Variants in DNM3 observed in about 807,000 individuals in gnomAD.
The protein encoded by DNM3 is dynamin-3.
Under a neutral mutation model 101.6 loss-of-function variants are expected in DNM3, and 47 were observed. That is an observed-to-expected ratio of 0.46 (90% CI 0.37 to 0.59). The LOEUF is 0.59. Among genes scored for constraint, DNM3 ranks in the 20% least tolerant of loss-of-function variants. The probability of loss-of-function intolerance (pLI) is 0.00; values close to 1 mark genes in which losing one functional copy is unlikely to be tolerated. For synonymous variants in DNM3, 385 were observed against 387.9 expected (o/e 0.99, Z 0.09); for missense variants, 849 against 1,085.7 (o/e 0.78, Z 3.06).
chr1:172,368,649 C>T (rs982549944), intron 17 of DNM3, among the ~76,000 whole-genome samples: 4 of 151,506 alleles, frequency 2.6e-5, no homozygotes, highest in African/African-American at 9.7e-5. Context: ...ATTAAAACAA[C>T]AATACAAAAG....
intron 14 of DNM3, among the ~76,000 whole-genome samples, chr1:172,145,243 G>A (rs1415541448): frequency 6.6e-6 from 1 of 151,924 alleles, no homozygotes; most frequent in Non-Finnish European, 1.5e-5. Context: ...ACCTTTTTGA[G>A]CTTTCCTGTG....
At chr1:172,400,029 C>G (rs1000213737) in intron 20 of DNM3, 1 of 152,168 alleles carries the variant, frequency 6.6e-6, no homozygotes, top group Non-Finnish European at 1.5e-5. Flanking sequence ...TGCTCCCTCT[C>G]AGAAAGGGAC....
At position 172,409,489 on chromosome 1, in the gene DNM3, C is replaced by T. The variant is rs1257988664; in HGVS notation, c.*1648C>T. ...TATAATTGGTAAAAATCAGAAAATA[C>T]AAGATTTACATAAAGGTCATTTCAA... On this transcript the variant is annotated 3_prime_UTR_variant, in exon 21 of 21. Coordinates refer to ENST00000627582, the MANE Select transcript of DNM3 (RefSeq NM_015569.5). 1.0e-6 allele frequency: 1 copy of T among 983,886 alleles called. No homozygotes were observed. The highest frequency in any genetic ancestry group is 1.7e-5 in the African/African-American group (1 of 57,166). 60.9% of individuals were successfully genotyped at this position (983,886 alleles called of 1,614,324 possible). A position where few individuals can be genotyped will look rare whatever the true frequency, so the allele number is the denominator to read the frequency against.
intron 14 of DNM3, among the ~76,000 whole-genome samples, chr1:172,164,232 C>CTTTTTTTTTTTTTTTTTTTTTT (rs3980440): frequency 1.6e-5 from 2 of 126,644 alleles, no homozygotes; most frequent in Non-Finnish European, 1.6e-5. Context: ...CTTTTCTTTT[C>CTTTTTTTTTTTTTTTTTTTTTT]TTTTTTTTTT....
intron 10 of DNM3, among the ~76,000 whole-genome samples, chr1:172,054,172 T>G (rs1359751144): frequency 5.3e-5 from 8 of 152,212 alleles, no homozygotes; most frequent in Non-Finnish European, 1.2e-4. Context: ...TGTAAAAACC[T>G]TAAATGCTTT....
In DNM3 at chr1:172,408,597, A is replaced by G. The variant is rs2071048651; in HGVS notation, c.*756A>G. 1.0e-6 allele frequency: 1 copy of G among 984,746 alleles called. No homozygotes were observed. Among genetic ancestry groups the G allele is most frequent in the Admixed American group, 6.2e-5 (1 of 16,240 alleles). 61.0% of individuals were successfully genotyped at this position (984,746 alleles called of 1,614,324 possible). A position where few individuals can be genotyped will look rare whatever the true frequency, so the allele number is the denominator to read the frequency against. The stretch of plus-strand genomic sequence containing the variant: ...AGAAGCAAAATATCACATCTCTAGA[A>G]GTGTTGGGAAAAATATAATTTCTTT... On this transcript the variant is annotated 3_prime_UTR_variant, in exon 21 of 21. Coordinates refer to ENST00000627582, the MANE Select transcript of DNM3 (RefSeq NM_015569.5).
chr1:172,115,587 C>G (rs940312679), intron 13 of DNM3, among the ~76,000 whole-genome samples: 8 of 152,194 alleles, frequency 5.3e-5, no homozygotes, highest in South Asian at 4.2e-4. Context: ...GCTCCTCCCC[C>G]TCTCGCTCAC....
chr1:172,042,046 A>C lies in DNM3; in HGVS notation c.1030A>C (p.Ile344Leu). The C allele has an allele frequency of 6.2e-7, 1 of 1,603,982 alleles. No individual in the cohort carries two copies. Among genetic ancestry groups the C allele is most frequent in the Non-Finnish European group, 8.5e-7 (1 of 1,177,384 alleles). Residue 344 changes from isoleucine to leucine, a missense_variant, in exon 8 of 21, where the codon ATT becomes CTT. Ile to Leu is a conservative substitution (Grantham distance 5). Around this residue, in one of 5 missense-constraint regions of DNM3, gnomAD observed 388 missense variants for 483.0 expected, o/e 0.80. Coordinates refer to ENST00000627582, the MANE Select transcript of DNM3 (RefSeq NM_015569.5). Reference protein sequence around the residue: ...QQFAVDFEKRIEGSGDQVDTL... With the variant: ...QQFAVDFEKRLEGSGDQVDTL... ...ATTTGCTGTGGACTTTGAGAAGAGA[A>C]TTGAAGGGTCAGGGGATCAAGTAGA...
At chr1:172,061,496 C>T (rs2051200461) in intron 10 of DNM3, among the ~76,000 whole-genome samples, 2 of 151,396 alleles carry the variant, frequency 1.3e-5, no homozygotes, top group South Asian at 2.1e-4. Flanking sequence ...GGCATATATA[C>T]ACCATGGAAT....
At chr1:171,888,931 G>A (rs1056932558) in intron 1 of DNM3, among the ~76,000 whole-genome samples, 1 of 152,040 alleles carries the variant, frequency 6.6e-6, no homozygotes, top group Admixed American at 6.6e-5. Context: ...TCATGAGGAT[G>A]GTACGTAAGA....
At chr1:172,304,120 G>A (rs2064631914) in intron 15 of DNM3, among the ~76,000 whole-genome samples, 1 of 149,910 alleles carries the variant, frequency 6.7e-6, no homozygotes, top group Non-Finnish European at 1.5e-5. Flanking sequence ...TCAGTGTGCT[G>A]TATTCAGGAG....
chr1:172,265,109 A>G (rs1277631001), intron 15 of DNM3, among the ~76,000 whole-genome samples: 1 of 152,190 alleles, frequency 6.6e-6, no homozygotes, highest in East Asian at 1.9e-4. Flanking sequence ...ACAAACTTTT[A>G]GTCATGGCTA....
At chr1:171,933,867 C>A (rs2041216446) in intron 2 of DNM3, among the ~76,000 whole-genome samples, 1 of 152,114 alleles carries the variant, frequency 6.6e-6, no homozygotes, top group Non-Finnish European at 1.5e-5. Flanking sequence ...TCTATTGCAA[C>A]CAAATGGAAA....
intron 2 of DNM3, among the ~76,000 whole-genome samples, chr1:171,923,954 T>C (rs1302572554): frequency 1.3e-5 from 2 of 152,194 alleles, no homozygotes; most frequent in Non-Finnish European, 1.5e-5. Context: ...CTATTTCTGT[T>C]ATTTCTCTTA....
chr1:172,109,569 G>A (rs752522073), intron 13 of DNM3, among the ~76,000 whole-genome samples: 12 of 152,194 alleles, frequency 7.9e-5, no homozygotes, highest in Middle Eastern at 3.4e-3. Context: ...ACTGATTTCC[G>A]GTGCATGCAG....
chr1:172,131,376 C>T, intron 14 of DNM3, 88 bp downstream of exon 14: 1 of 1,096,626 alleles, frequency 9.1e-7, no homozygotes, highest in Non-Finnish European at 1.3e-6. Context: ...AATTTTGAGA[C>T]ACCAGTGGTT....
intron 1 of DNM3, among the ~76,000 whole-genome samples, chr1:171,861,967 G>A (rs2034219741): frequency 1.3e-5 from 2 of 152,090 alleles, no homozygotes; most frequent in Non-Finnish European, 2.9e-5. Flanking sequence ...TAGCTAATAT[G>A]CACATAGAAA....
intron 2 of DNM3, among the ~76,000 whole-genome samples, chr1:171,968,250 C>T (rs1383941252): frequency 1.3e-5 from 2 of 151,486 alleles, no homozygotes; most frequent in African/African-American, 2.4e-5. Context: ...AAAAGCTTAC[C>T]TTTTTTTTTC....
intron 17 of DNM3, among the ~76,000 whole-genome samples, chr1:172,328,542 A>T (rs1244631784): frequency 1.3e-5 from 2 of 152,170 alleles, no homozygotes; most frequent in Non-Finnish European, 2.9e-5. Flanking sequence ...CCAAATACCA[A>T]ATACCAAATA....
Sources: allele counts gnomAD v4.1 joint callset (sites outside exome capture counted in the v4.1 genomes callset), GRCh38; gene constraint gnomAD v4.1.1; regional missense constraint gnomAD v4.1.1; transcripts MANE v1.5; gene names NCBI Gene and HGNC (gene_info 2026-07-23, HGNC 2026-07-21).